Variants in EPHA4 observed in about 807,000 individuals in gnomAD.
EPHA4 encodes the protein EPH receptor A4.
EPHA4 carries 19 observed loss-of-function variants against 108.3 expected under a neutral mutation model. The ratio of observed to expected loss-of-function variants is 0.18; its 90% CI spans 0.12 to 0.26. The LOEUF (loss-of-function observed/expected upper bound fraction) is 0.26. Ranked by LOEUF, EPHA4 falls within the 10% of genes least tolerant of loss-of-function variation. The pLI is 1.00. For missense variants in EPHA4, 917 were observed against 1,254.0 expected (o/e 0.73, Z 4.06); for synonymous variants, 449 against 455.5 (o/e 0.99, Z 0.18).
chr2:221,569,961 C>T (rs1222015615), intron 1 of EPHA4, among the ~76,000 whole-genome samples: 1 of 152,138 alleles, frequency 6.6e-6, no homozygotes, highest in Non-Finnish European at 1.5e-5. Flanking sequence ...CCCTGGGTCG[C>T]TCCCGCCTGG....
intron 11 of EPHA4, among the ~76,000 whole-genome samples, chr2:221,442,005 G>A (rs1236321492): frequency 2.0e-5 from 3 of 152,250 alleles, no homozygotes; most frequent in East Asian, 1.9e-4. Flanking sequence ...CTCTGCACAC[G>A]CTGACTGAAG....
intron 3 of EPHA4, among the ~76,000 whole-genome samples, chr2:221,552,110 C>T (rs918406084): frequency 1.3e-5 from 2 of 152,130 alleles, no homozygotes; most frequent in Non-Finnish European, 2.9e-5. Context: ...CAAGTCCACG[C>T]TCAAAAACCA....
chr2:221,507,719 A>G (rs1692674616), intron 3 of EPHA4, among the ~76,000 whole-genome samples: 1 of 152,194 alleles, frequency 6.6e-6, no homozygotes. Flanking sequence ...GACAGAGACA[A>G]CAGAAAGTGT....
intron 3 of EPHA4, among the ~76,000 whole-genome samples, chr2:221,554,163 TAC>T (rs1368329181): frequency 6.6e-6 from 1 of 152,206 alleles, no homozygotes; most frequent in Non-Finnish European, 1.5e-5. Flanking sequence ...ACACACCATG[TAC>T]AGAGAGCATT....
At chr2:221,444,616 T>C (rs995892963) in intron 9 of EPHA4, among the ~76,000 whole-genome samples, 2 of 152,166 alleles carry the variant, frequency 1.3e-5, no homozygotes, top group Non-Finnish European at 2.9e-5. Flanking sequence ...AACATGATTT[T>C]AGGAGGAAAC....
chr2:221,534,262 A>G (rs1348925146), intron 3 of EPHA4, among the ~76,000 whole-genome samples: 1 of 152,178 alleles, frequency 6.6e-6, no homozygotes, highest in Admixed American at 6.5e-5. Flanking sequence ...GTAATTAGTA[A>G]ATCATTGGTG....
In EPHA4 at chr2:221,478,452, A is replaced by G. The variant is rs376818090; in HGVS notation, c.1318+3900T>C. ...CTAAACAAAAGACAAAACAGTCGCT[A>G]CAGGATGAAAGATGAAGGAAACTGG... On this transcript the variant is annotated intron_variant, in intron 5 of 17. Transcript: ENST00000281821. Among the ~76,000 whole-genome samples, 7 of 152,344 alleles carry G rather than the reference A, an allele frequency of 4.6e-5. No individual in the cohort carries two copies. The East Asian group carries it at 1.3e-3, about 29-fold the overall frequency.
intron 17 of EPHA4, among the ~76,000 whole-genome samples, chr2:221,424,530 T>C (rs892889474): frequency 6.6e-6 from 1 of 152,028 alleles, no homozygotes; most frequent in Non-Finnish European, 1.5e-5. Context: ...AGTTATGTCC[T>C]TTGTTTCTAG....
chr2:221,456,993 G>A (rs927354684), intron 6 of EPHA4, among the ~76,000 whole-genome samples: 3 of 152,116 alleles, frequency 2.0e-5, no homozygotes, highest in African/African-American at 4.8e-5. Context: ...TGTTATTGAC[G>A]CTGACCATAT....
At chr2:221,432,595 A>G (rs969798196) in intron 14 of EPHA4, among the ~76,000 whole-genome samples, 1 of 151,982 alleles carries the variant, frequency 6.6e-6, no homozygotes, top group Non-Finnish European at 1.5e-5. Context: ...CAGCATAGAG[A>G]ATTCTTTTTG....
rs1443085762 is a variant in EPHA4, at chr2:221,522,754, TATTATTATTA to T, written c.824-21592_824-21583del. ...AAAATCCTATTATTATTATTATTAT[TATTATTATTA>T]TTATTATTATTTTTTTGAGACGGAG... On this transcript the variant is annotated intron_variant, in intron 3 of 17. Transcript: ENST00000281821. Among the ~76,000 whole-genome samples the T allele has an allele frequency of 2.3e-3, 76 of 32,342 alleles. 2 individuals carry two copies. The highest frequency in any genetic ancestry group is 0.017 in the South Asian group (27 of 1,570). 21.2% of individuals were successfully genotyped at this position (32,342 alleles called of 152,430 possible).
chr2:221,487,404 T>A (rs1385844304), intron 4 of EPHA4, among the ~76,000 whole-genome samples: 1 of 152,202 alleles, frequency 6.6e-6, no homozygotes, highest in African/African-American at 2.4e-5. Context: ...TTCTATCAAA[T>A]AAGGTTTTAT....
chr2:221,488,670 C>A (rs996635439), intron 4 of EPHA4, among the ~76,000 whole-genome samples: 1 of 152,100 alleles, frequency 6.6e-6, no homozygotes, highest in East Asian at 1.9e-4. Flanking sequence ...GAAACTATAG[C>A]CACATGATAG....
At chr2:221,431,209 G>A (rs995927801) in intron 14 of EPHA4, among the ~76,000 whole-genome samples, 2 of 152,178 alleles carry the variant, frequency 1.3e-5, no homozygotes, top group Non-Finnish European at 2.9e-5. Flanking sequence ...TTGTTTGGGA[G>A]TCTAAAAGTT....
In EPHA4 at chr2:221,566,836, AAGAAGG is replaced by A. The variant is rs1275196453; in HGVS notation, c.159+1876_159+1881del. Among the ~76,000 whole-genome samples, 588 of 96,894 alleles carry A rather than the reference AAGAAGG, an allele frequency of 6.1e-3. 89 individuals carry two copies. The highest frequency in any genetic ancestry group is 0.023 in the African/African-American group (538 of 23,722). 63.6% of individuals were successfully genotyped at this position (96,894 alleles called of 152,430 possible). ...GAAGAAGGAGAAGAAGGAGAAGGAGAAGAAGGAGAAGGAGAAGGAGAAGAAGAAGAA... is the reference window on the plus strand; with the variant it reads ...GAAGAAGGAGAAGAAGGAGAAGGAGAAGAAGGAGAAGGAGAAGAAGAAGAA... On this transcript the variant is annotated intron_variant, in intron 2 of 17. Coordinates refer to ENST00000281821, the MANE Select transcript of EPHA4 (RefSeq NM_004438.5).
chr2:221,519,886 T>C (rs1385597061), intron 3 of EPHA4, among the ~76,000 whole-genome samples: 1 of 151,888 alleles, frequency 6.6e-6, no homozygotes, highest in Non-Finnish European at 1.5e-5. Flanking sequence ...AAAAGCAGTT[T>C]ACCTCCAATG....
chr2:221,501,452 C>T (rs1017995130), intron 3 of EPHA4: 15 of 321,666 alleles, frequency 4.7e-5, no homozygotes, highest in African/African-American at 1.3e-4. Flanking sequence ...GTTTACCGAA[C>T]GCCTTTCTAT....
At chr2:221,569,508 T>C in intron 1 of EPHA4, 1 of 152,356 alleles carries the variant, frequency 6.6e-6, no homozygotes, top group Non-Finnish European at 1.5e-5. Context: ...CTAACGGCTT[T>C]AGTGTGCTTG....
At chr2:221,557,613 G>A (rs1169535924) in intron 3 of EPHA4, among the ~76,000 whole-genome samples, 1 of 152,196 alleles carries the variant, frequency 6.6e-6, no homozygotes, top group Non-Finnish European at 1.5e-5. Context: ...TGGCCATTTT[G>A]TGCTAACTGT....
Sources: gnomAD v4.1 joint callset for allele counts (sites outside exome capture counted in the v4.1 genomes callset) on GRCh38, gnomAD v4.1.1 for gene constraint, MANE v1.5 for transcripts, NCBI Gene and HGNC (gene_info 2026-07-23, HGNC 2026-07-21) for gene names.